Variants in AFF4 observed in about 807,000 individuals in gnomAD.
AFF4 encodes ALF transcription elongation factor 4.
Under a neutral mutation model 124.8 loss-of-function variants are expected in AFF4, and 13 were observed. The observed-to-expected ratio is 0.10, with a 90% CI of 0.07 to 0.17. The LOEUF is 0.17. Ranked by LOEUF, AFF4 falls within the 10% of genes least tolerant of loss-of-function variation. The pLI, the probability that AFF4 is intolerant of heterozygous loss-of-function variation, is 1.00. For synonymous variants in AFF4, 477 were observed against 496.1 expected (o/e 0.96, Z 0.51); for missense variants, 1,092 against 1,403.8 (o/e 0.78, Z 3.55).
At chr5:132,891,969 G>T in intron 13 of AFF4, 195 bp downstream of exon 13, 4 of 816,844 alleles carry the variant, frequency 4.9e-6, no homozygotes, top group South Asian at 1.8e-5. Context: ...ATATGTATGT[G>T]ACCAGCTGAC....
chr5:132,928,615 T>C (rs1761234080), intron 4 of AFF4, among the ~76,000 whole-genome samples: 1 of 152,200 alleles, frequency 6.6e-6, no homozygotes, highest in Non-Finnish European at 1.5e-5. Flanking sequence ...CCTCTGTTAT[T>C]TAGGTTGACA....
intron 11 of AFF4, among the ~76,000 whole-genome samples, chr5:132,894,641 G>A (rs1257078725): frequency 1.3e-5 from 2 of 152,120 alleles, no homozygotes; most frequent in South Asian, 4.1e-4. Flanking sequence ...TACTGCCCTT[G>A]ACACTTTATA....
At chr5:132,951,859 T>C (rs543423333) in intron 1 of AFF4, among the ~76,000 whole-genome samples, 10 of 152,196 alleles carry the variant, frequency 6.6e-5, no homozygotes, top group East Asian at 1.9e-4. Flanking sequence ...ACTACATATG[T>C]ATATATCTCT....
At chr5:132,926,699 G>GCTT (rs1761178600) in intron 5 of AFF4, 1 of 69,008 alleles carries the variant, frequency 1.4e-5, no homozygotes, top group African/African-American at 5.9e-5. Flanking sequence ...ACTATGCCAA[G>GCTT]CTTTTTTTTT....
At chr5:132,921,141 AAG>A (rs1438946457) in intron 5 of AFF4, among the ~76,000 whole-genome samples, 4 of 152,006 alleles carry the variant, frequency 2.6e-5, no homozygotes, top group South Asian at 2.1e-4. Flanking sequence ...AAAAAAAAAA[AAG>A]AATCTTAGCC....
intron 2 of AFF4, among the ~76,000 whole-genome samples, chr5:132,936,865 T>A (rs1455305375): frequency 2.0e-5 from 3 of 152,192 alleles, no homozygotes; most frequent in African/African-American, 7.2e-5. Context: ...ATAATACCTA[T>A]GTTGTGTATT....
rs902681853 is a variant in AFF4 at position 132,907,297 on chromosome 5, C to A, written c.1051-2893G>T. ...CTTCTACAGCCCAAGTCTTAGTATG[C>A]GTCATCACTGCTCTCCTATTTTTCA... is the stretch of plus-strand genomic sequence containing the variant. On this transcript the variant is annotated intron_variant, in intron 5 of 20. Transcript: ENST00000265343. Among the ~76,000 whole-genome samples, 6 of 152,112 alleles carry A rather than the reference C, an allele frequency of 3.9e-5. No individual in the cohort carries two copies. The East Asian group carries it at 5.8e-4, about 15-fold the overall frequency.
rs1561518315 is a variant in AFF4 at position 132,963,332 on chromosome 5, C to T, written c.-78G>A. ...TGGCGGCGCCGGGCCTGCACCTTCA[C>T]CGGACGCGCATTCGAGCCCGCCCAG... On this transcript the variant is annotated 5_prime_UTR_variant, in exon 1 of 21. In the 5' UTR this introduces an upstream ATG that the reference lacks. Transcript: ENST00000265343. 5 of 396,792 alleles carry T rather than the reference C, an allele frequency of 1.3e-5. No individual in the cohort carries two copies. The highest frequency in any genetic ancestry group is 8.2e-5 in the African/African-American group (4 of 48,556). The allele number at this position is 396,792 out of a possible 1,614,324, so 24.6% of individuals were successfully genotyped here.
intron 1 of AFF4, among the ~76,000 whole-genome samples, chr5:132,954,497 T>G (rs1581338564): frequency 6.6e-6 from 1 of 151,250 alleles, no homozygotes; most frequent in African/African-American, 2.4e-5. Context: ...CTAGGGGTGG[T>G]TGCCCACGAC....
chr5:132,926,236 G>T, intron 5 of AFF4: 2 of 483,754 alleles, frequency 4.1e-6, no homozygotes, highest in South Asian at 3.1e-5. Flanking sequence ...GAGCTCTGTT[G>T]GGATGAAGGG....
At chr5:132,913,070 A>G (rs1581296811) in intron 5 of AFF4, among the ~76,000 whole-genome samples, 1 of 152,242 alleles carries the variant, frequency 6.6e-6, no homozygotes, top group African/African-American at 2.4e-5. Flanking sequence ...ATAAGAACAT[A>G]AACAGGTTAA....
intron 1 of AFF4, chr5:132,944,985 G>T: frequency 6.3e-6 from 1 of 159,402 alleles, no homozygotes; most frequent in South Asian, 1.8e-4. Flanking sequence ...AAAAACAGTG[G>T]ACAAGAAGGC....
Position 132,899,657 on chromosome 5 carries a change from A to G in AFF4, c.1134-16T>C, listed in dbSNP as rs780969555. The G allele has an allele frequency of 2.9e-5, 47 of 1,601,002 alleles. No individual in the cohort carries two copies. The highest frequency in any genetic ancestry group is 3.4e-5 in the Admixed American group (2 of 59,558). On this transcript the variant is annotated splice_polypyrimidine_tract_variant and intron_variant, in intron 7 of 20. Transcript: ENST00000265343. ...TTTTAACATACTAGAGGGAAAAGAC[A>G]AAGAATTATTATTTTTGGAACAGTT...
At chr5:132,916,155 C>T (rs1760904071) in intron 5 of AFF4, among the ~76,000 whole-genome samples, 1 of 136,898 alleles carries the variant, frequency 7.3e-6, no homozygotes, top group Admixed American at 8.4e-5. Flanking sequence ...GGGAGAATCA[C>T]TTGAGCTTGG....
chr5:132,898,131 T>A (rs1760455374), intron 10 of AFF4, 99 bp downstream of exon 10: 1 of 1,431,054 alleles, frequency 7.0e-7, no homozygotes, highest in African/African-American at 1.4e-5. Flanking sequence ...CTATGGAACC[T>A]TCTTTCCTTC....
At chr5:132,898,130 C>T in intron 10 of AFF4, 100 bp downstream of exon 10, 1 of 1,422,858 alleles carries the variant, frequency 7.0e-7, no homozygotes, top group South Asian at 1.4e-5. Context: ...ACTATGGAAC[C>T]TTCTTTCCTT....
At chr5:132,898,116 TCAGAC>T in intron 10 of AFF4, 109 bp downstream of exon 10, 1 of 1,327,906 alleles carries the variant, frequency 7.5e-7, no homozygotes, top group African/African-American at 1.5e-5. Context: ...TTTCTTTTTG[TCAGAC>T]TATGGAACCT....
intron 5 of AFF4, among the ~76,000 whole-genome samples, chr5:132,920,072 T>G (rs1006742899): frequency 6.6e-6 from 1 of 151,860 alleles, no homozygotes; most frequent in African/African-American, 2.4e-5. Flanking sequence ...TTTTTTCAGA[T>G]GGAGTCTTGC....
Position 132,934,425 on chromosome 5 carries a change from G to C in AFF4, c.640C>G (p.Arg214Gly), listed in dbSNP as rs1222191609. 1 of 1,614,144 alleles carries C rather than the reference G, an allele frequency of 6.2e-7. No homozygotes were observed. Among genetic ancestry groups the C allele is most frequent in the Non-Finnish European group, 8.5e-7 (1 of 1,180,020 alleles). Residue 214 changes from arginine to glycine, a missense_variant, in exon 3 of 21, where the codon CGG (arginine) becomes GGG (glycine). Arg to Gly is a moderately radical substitution (Grantham distance 125). This residue lies in a region of AFF4 where 188 missense variants were observed against 203.0 expected (regional missense o/e 0.93). Coordinates refer to ENST00000265343, the MANE Select transcript of AFF4 (RefSeq NM_014423.4). ...SKEHQRSKSPRDPDANWDSPS... is the reference protein window; with the variant it reads ...SKEHQRSKSPGDPDANWDSPS... ...GAATCCCAGTTTGCATCAGGGTCCC[G>C]AGGTGATTTGGAGCGTTGATGTTCC...
Sources: gnomAD v4.1 joint callset for allele counts (sites outside exome capture counted in the v4.1 genomes callset) on GRCh38, gnomAD v4.1.1 for gene constraint, gnomAD v4.1.1 regional missense constraint, MANE v1.5 for transcripts, NCBI Gene and HGNC (gene_info 2026-07-23, HGNC 2026-07-21) for gene names.